TBCE: variants seen among roughly 807,000 people sequenced by gnomAD.
The protein encoded by TBCE is tubulin folding cofactor E.
Under a neutral mutation model 77.0 loss-of-function variants are expected in TBCE, and 53 were observed. The observed-to-expected ratio is 0.69, with a 90% CI of 0.55 to 0.87. TBCE has a LOEUF of 0.87. Ranked by LOEUF, TBCE falls within the 40% of genes least tolerant of loss-of-function variation. TBCE has a pLI of 0.00. For missense variants in TBCE, 624 were observed against 622.4 expected, an observed-to-expected ratio of 1.00 and a Z score of -0.03; for synonymous variants, 235 against 241.3, an observed-to-expected ratio of 0.97 and a Z score of 0.24.
chr1:235,423,893 G>A (rs1680553153), intron 5 of TBCE: 1 of 152,298 alleles, frequency 6.6e-6, no homozygotes, highest in East Asian at 1.9e-4. Flanking sequence ...GGTAGCTGGC[G>A]ACCGGGTATG....
chr1:235,388,430 G>A (rs1419022901), intron 2 of TBCE, among the ~76,000 whole-genome samples: 20 of 151,420 alleles, frequency 1.3e-4, no homozygotes, highest in Non-Finnish European at 2.2e-4. Flanking sequence ...CTGGGATTAC[G>A]GGGACCCACC....
chr1:235,436,908 C>T (rs1007413666), intron 11 of TBCE, among the ~76,000 whole-genome samples: 17 of 151,032 alleles, frequency 1.1e-4, no homozygotes, highest in African/African-American at 4.1e-4. Flanking sequence ...CACCTGAGGT[C>T]GGGAGTTCGA....
At chr1:235,413,662 CAA>C (rs536953879) in intron 3 of TBCE, among the ~76,000 whole-genome samples, 2 of 124,688 alleles carry the variant, frequency 1.6e-5, no homozygotes, top group Non-Finnish European at 1.7e-5. Flanking sequence ...GATTCTGTCT[CAA>C]AAAAAAAAAA....
In TBCE at chr1:235,438,814, G is replaced by C. The variant is rs757586597; in HGVS notation, c.1162G>C (p.Ala388Pro). The C allele has an allele frequency of 2.5e-6, 4 of 1,614,136 alleles. No homozygotes were observed. Among genetic ancestry groups the C allele is most frequent in the Non-Finnish European group, 2.5e-6 (3 of 1,180,022 alleles). ...RRRAELDYRK[A>P]FGNEWKQAGG... The stretch of plus-strand genomic sequence containing the variant: ...GAGAGCTGAGCTTGACTACCGAAAA[G>C]CTTTTGGAAATGAGTGGAAACAGGC... The change falls in exon 13 of 17, where the codon GCT (alanine) becomes CCT (proline). Residue 388 changes from alanine (A) to proline (P), a missense_variant. Transcript: ENST00000642610.
At chr1:235,372,313 C>T (rs1321863011) in intron 1 of TBCE, among the ~76,000 whole-genome samples, 2 of 152,336 alleles carry the variant, frequency 1.3e-5, no homozygotes, top group East Asian at 3.9e-4. Context: ...CTGCCTTGGC[C>T]TCCCAAAGTG....
chr1:235,392,180 A>AATAAGTAC (rs1430502453), intron 2 of TBCE, among the ~76,000 whole-genome samples: 1 of 151,578 alleles, frequency 6.6e-6, no homozygotes, highest in Non-Finnish European at 1.5e-5. Context: ...TAAATAAATA[A>AATAAGTAC]ATAAGTACAT....
chr1:235,410,406 C>T (rs1213256675), intron 3 of TBCE, among the ~76,000 whole-genome samples: 2 of 152,068 alleles, frequency 1.3e-5, no homozygotes, highest in African/African-American at 2.4e-5. Flanking sequence ...AGGGTAATTT[C>T]CTGACGTTGC....
intron 3 of TBCE, chr1:235,413,767 A>G (rs1679948266): frequency 6.6e-6 from 1 of 151,694 alleles, no homozygotes; most frequent in Non-Finnish European, 1.5e-5. Context: ...TTTTTAAGTG[A>G]CAAGGTCTCT....
At chr1:235,404,016 C>T (rs181455298) in intron 3 of TBCE, among the ~76,000 whole-genome samples, 4 of 152,296 alleles carry the variant, frequency 2.6e-5, no homozygotes, top group African/African-American at 4.8e-5. Context: ...CGTTGGCTCA[C>T]GCCTGTAATC....
At chr1:235,375,614 A>G (rs1257145538) in intron 1 of TBCE, among the ~76,000 whole-genome samples, 8 of 152,204 alleles carry the variant, frequency 5.3e-5, no homozygotes, top group Non-Finnish European at 1.5e-5. Flanking sequence ...ACTAGCTAGA[A>G]GAAGAGGGTA....
intron 15 of TBCE, among the ~76,000 whole-genome samples, chr1:235,448,017 T>A (rs1263061712): frequency 2.6e-5 from 4 of 152,076 alleles, no homozygotes; most frequent in Non-Finnish European, 5.9e-5. Flanking sequence ...AAGACCAGCC[T>A]GGCCAACATG....
At position 235,380,114 on chromosome 1, in the gene TBCE, C is replaced by T. The variant is rs1558346647; in HGVS notation, c.65C>T (p.Thr22Ile). 2.5e-6 allele frequency: 4 copies of T among 1,612,354 alleles called. No individual in the cohort carries two copies. The highest frequency in any genetic ancestry group is 2.5e-6 in the Non-Finnish European group (3 of 1,179,544). ...RRVEVNGEHA[T>I]VRFAGVVPPV... is the part of the protein sequence containing the mutation. Reference sequence around the variant, plus strand: ...GTTGAAGTTAATGGAGAACATGCAACAGTACGTTTTGCTGGTGTTGTCCCT... The same window carrying T: ...GTTGAAGTTAATGGAGAACATGCAATAGTACGTTTTGCTGGTGTTGTCCCT... Residue 22 changes from threonine (T) to isoleucine (I), a missense_variant, in exon 2 of 17, where the codon ACA becomes ATA. By Grantham distance (89) the Thr-to-Ile change is moderately conservative (BLOSUM62 -1). Transcript: ENST00000642610.
intron 2 of TBCE, among the ~76,000 whole-genome samples, chr1:235,398,571 C>T (rs568217476): frequency 1.3e-5 from 2 of 148,674 alleles, no homozygotes; most frequent in Non-Finnish European, 3.0e-5. Flanking sequence ...ACATTCTGTT[C>T]CTTTTTTTCT....
In TBCE at chr1:235,370,835, G is replaced by T. The variant is rs368691580; in HGVS notation, c.-32+3331G>T. Among the ~76,000 whole-genome samples, 70 of 148,298 alleles carry T rather than the reference G, an allele frequency of 4.7e-4. No individual in the cohort carries two copies. The East Asian group carries it at 6.6e-3, about 14-fold the overall frequency. On this transcript the variant is annotated intron_variant, in intron 1 of 16. Transcript: ENST00000642610. Reference sequence around the variant, plus strand: ...CGGCTCACTGCAACCTCCGCCTCCCGGGTTCAAGCGATTCTCCTGCCTCAG... The same window carrying T: ...CGGCTCACTGCAACCTCCGCCTCCCTGGTTCAAGCGATTCTCCTGCCTCAG...
rs1198243540 is a variant in TBCE, at chr1:235,448,609, G to A, written c.1492-61G>A. On this transcript the variant is annotated intron_variant, in intron 16 of 16. Transcript: ENST00000642610. ...GGGACGGGGTGGGGGAAGAGTATGTGTAGCATGCTTTATCGGATCTGTCTT... is the reference window on the plus strand; with the variant it reads ...GGGACGGGGTGGGGGAAGAGTATGTATAGCATGCTTTATCGGATCTGTCTT... 24 of 1,463,342 alleles carry A rather than the reference G, an allele frequency of 1.6e-5. No individual in the cohort carries two copies. In the Admixed American group the frequency reaches 3.8e-4, roughly 23 times the overall value. The allele number at this position is 1,463,342 out of a possible 1,614,324, so 90.6% of individuals were successfully genotyped here. A position where few individuals can be genotyped will look rare whatever the true frequency, so the allele number is the denominator to read the frequency against.
At chr1:235,376,412 G>C (rs564580534) in intron 1 of TBCE, among the ~76,000 whole-genome samples, 1 of 150,742 alleles carries the variant, frequency 6.6e-6, no homozygotes, top group South Asian at 2.1e-4. Flanking sequence ...GCTGGAAAGA[G>C]CCTCAGACTG....
At chr1:235,421,868 A>C (rs951091269) in intron 5 of TBCE, among the ~76,000 whole-genome samples, 1 of 152,200 alleles carries the variant, frequency 6.6e-6, no homozygotes, top group African/African-American at 2.4e-5. Context: ...ATGCCAGGTG[A>C]AGTAGCTCTC....
chr1:235,392,520 C>T (rs1678459569), intron 2 of TBCE, among the ~76,000 whole-genome samples: 1 of 149,738 alleles, frequency 6.7e-6, no homozygotes, highest in Non-Finnish European at 1.5e-5. Flanking sequence ...AAGCAATTCT[C>T]CTGCCTTAGC....
chr1:235,371,715 C>G (rs1473934718), intron 1 of TBCE, among the ~76,000 whole-genome samples: 6 of 152,022 alleles, frequency 3.9e-5, no homozygotes, highest in Non-Finnish European at 7.4e-5. Flanking sequence ...TCTTGTCACC[C>G]AGGCTGGAGT....
Sources: allele counts gnomAD v4.1 joint callset (sites outside exome capture counted in the v4.1 genomes callset), GRCh38; gene constraint gnomAD v4.1.1; transcripts MANE v1.5; gene names NCBI Gene and HGNC (gene_info 2026-07-23, HGNC 2026-07-21).